MORN1: variants seen among roughly 807,000 people sequenced by gnomAD.
The protein encoded by MORN1 is MORN repeat containing 1, also known as MORN repeat-containing protein 1.
Under a neutral mutation model 61.9 loss-of-function variants are expected in MORN1, and 67 were observed. The ratio of observed to expected loss-of-function variants is 1.08; its 90% CI spans 0.89 to 1.33. The LOEUF (loss-of-function observed/expected upper bound fraction) is 1.33, where lower values mean the gene tolerates loss of function less well. MORN1 is among the 40% of genes most tolerant of loss of function. The pLI is 0.00. For synonymous variants in MORN1, 301 were observed against 292.0 expected (o/e 1.03, Z -0.31); for missense variants, 752 against 691.2 (o/e 1.09, Z -0.99).
At chr1:2,387,182 C>T (rs927153607) in intron 4 of MORN1, 14 of 571,758 alleles carry the variant, frequency 2.4e-5, no homozygotes, top group South Asian at 1.7e-4. Flanking sequence ...GTCTGTTCCG[C>T]GGTAGCGGAT....
intron 6 of MORN1, 193 bp from the exon 7 acceptor site, chr1:2,374,750 T>A: frequency 1.8e-6 from 1 of 555,464 alleles, no homozygotes; most frequent in Admixed American, 3.2e-5. Flanking sequence ...TGCAATCCAA[T>A]TTGCTTTGCA....
At chr1:2,326,044 G>A (rs951949347) in intron 12 of MORN1, among the ~76,000 whole-genome samples, 5 of 152,122 alleles carry the variant, frequency 3.3e-5, no homozygotes, top group African/African-American at 4.8e-5. Context: ...TCCTCCCGCC[G>A]TCCTGCCCGC....
intron 8 of MORN1, chr1:2,371,445 G>C (rs1305963971): frequency 6.6e-6 from 1 of 152,222 alleles, no homozygotes; most frequent in African/African-American, 2.4e-5. Context: ...TCACTCGTTA[G>C]GGAAATGCGA....
At chr1:2,381,961 A>C (rs1642381680) in intron 6 of MORN1, among the ~76,000 whole-genome samples, 1 of 152,128 alleles carries the variant, frequency 6.6e-6, no homozygotes, top group African/African-American at 2.4e-5. Context: ...CTGTCAGCCC[A>C]GGAGGGAGGG....
At chr1:2,322,976 GC>G (rs1557863820) in intron 13 of MORN1, 1 of 985,332 alleles carries the variant, frequency 1.0e-6, no homozygotes, top group African/African-American at 1.7e-5. Context: ...TACGTACATG[GC>G]TTAGCCCCAA....
intron 8 of MORN1, among the ~76,000 whole-genome samples, chr1:2,360,052 G>A (rs1002171553): frequency 3.3e-5 from 5 of 152,196 alleles, no homozygotes; most frequent in African/African-American, 4.8e-5. Flanking sequence ...TGGGGTGGCC[G>A]TGGAGGGGTC....
chr1:2,376,553 A>G (rs1642242030), intron 6 of MORN1: 1 of 152,210 alleles, frequency 6.6e-6, no homozygotes, highest in African/African-American at 2.4e-5. Flanking sequence ...GAAGCCAGAC[A>G]CACTCGAGTC....
chr1:2,378,646 G>C (rs984038293), intron 6 of MORN1: 11 of 297,058 alleles, frequency 3.7e-5, no homozygotes, highest in African/African-American at 2.4e-4. Context: ...AGGGATGCCC[G>C]GAGGGCCGCG....
intron 10 of MORN1, among the ~76,000 whole-genome samples, chr1:2,356,252 G>C (rs1443848538): frequency 1.3e-5 from 2 of 152,170 alleles, no homozygotes. Context: ...GACATGGCAG[G>C]GATTGAGCTC....
At chr1:2,380,939 G>A (rs905400360) in intron 6 of MORN1, among the ~76,000 whole-genome samples, 32 of 152,190 alleles carry the variant, frequency 2.1e-4, no homozygotes, top group East Asian at 5.8e-4. Flanking sequence ...GACAGCTCTC[G>A]GGATGTGCGG....
rs754469120 is a variant in MORN1, at chr1:2,360,435, G to A, written c.746-1720C>T. 2.6e-5 allele frequency among the ~76,000 whole-genome samples: 4 copies of A among 152,300 alleles called. No individual in the cohort carries two copies. In the South Asian group the frequency reaches 6.2e-4, roughly 24 times the overall value. ...AGATCCTTGAAAGAAGGAAACAAAC[G>A]GCGTGGACTCTATAATTGCCCTGGC... is the stretch of plus-strand genomic sequence containing the variant. On this transcript the variant is annotated intron_variant, in intron 8 of 13. Coordinates refer to ENST00000378531, the MANE Select transcript of MORN1 (RefSeq NM_024848.3).
At position 2,372,360 on chromosome 1, in the gene MORN1, G is replaced by C. The variant is rs1642141376; in HGVS notation, c.745+121C>G. The C allele has an allele frequency of 1.3e-6, 1 of 746,936 alleles. No individual in the cohort carries two copies. 46.3% of individuals were successfully genotyped at this position (746,936 alleles called of 1,614,324 possible). A position where few individuals can be genotyped will look rare whatever the true frequency, so the allele number is the denominator to read the frequency against. On this transcript the variant is annotated intron_variant, in intron 8 of 13. Transcript: ENST00000378531. This position sits in a 1 kb window ranked among gnomAD's most constrained non-coding sequence, Gnocchi z 5.4. ...GACCTCTCTGCCAGGCTCTGGGCAC[G>C]AAGTCACTGCTGTGCCTCAGGAGCC...
intron 10 of MORN1, among the ~76,000 whole-genome samples, chr1:2,348,126 C>T (rs923542276): frequency 3.3e-5 from 5 of 152,228 alleles, no homozygotes; most frequent in African/African-American, 7.2e-5. Flanking sequence ...CAGTCTCCGT[C>T]GGTCTGGAAC....
rs1641281867 is a variant in MORN1 at position 2,336,497 on chromosome 1, T to A, written c.1222A>T (p.Thr408Ser). 1 of 1,612,474 alleles carries A rather than the reference T, an allele frequency of 6.2e-7. No individual in the cohort carries two copies. The highest frequency in any genetic ancestry group is 8.5e-7 in the Non-Finnish European group (1 of 1,179,796). Residue 408 changes from threonine (T) to serine (S), a missense_variant, in exon 12 of 14, where the codon ACG (threonine) becomes TCG (serine). Coordinates refer to ENST00000378531, the MANE Select transcript of MORN1 (RefSeq NM_024848.3). ...GGLHPRGTPPTAQEPPGGSRP... is the reference protein window; with the variant it reads ...GGLHPRGTPPSAQEPPGGSRP... ...CTGCCTCCAGGAGGCTCCTGTGCCGTGGGTGGTGTCCCCCTGGGGTGCAGG... is the reference window on the plus strand; with the variant it reads ...CTGCCTCCAGGAGGCTCCTGTGCCGAGGGTGGTGTCCCCCTGGGGTGCAGG...
chr1:2,383,895 C>T (rs779912223), intron 6 of MORN1, among the ~76,000 whole-genome samples: 1 of 152,222 alleles, frequency 6.6e-6, no homozygotes, highest in Non-Finnish European at 1.5e-5. Context: ...CCCCTTCCCA[C>T]CAGCCAGGAG....
At chr1:2,321,810 A>G (rs932215152) in intron 13 of MORN1, among the ~76,000 whole-genome samples, 5 of 152,100 alleles carry the variant, frequency 3.3e-5, no homozygotes, top group East Asian at 1.9e-4. Context: ...TTTGGGGTAA[A>G]GGAAACCACC....
rs376026122 is a variant in MORN1 at position 2,323,653 on chromosome 1, C to T, written c.1297+444G>A. 1.1e-5 allele frequency: 11 copies of T among 985,310 alleles called. No individual in the cohort carries two copies. In the African/African-American group the frequency reaches 1.9e-4, roughly 17 times the overall value. The allele number at this position is 985,310 out of a possible 1,614,324, so 61.0% of individuals were successfully genotyped here. On this transcript the variant is annotated intron_variant, in intron 13 of 13. Transcript: ENST00000378531. Reference sequence around the variant, plus strand: ...GCTGCACCCCTCCTTGCTGTCCCCACAGCAGCCCCCACGCTGGGAGGAGCC... The same window carrying T: ...GCTGCACCCCTCCTTGCTGTCCCCATAGCAGCCCCCACGCTGGGAGGAGCC...
At chr1:2,324,832 T>A (rs1297389401) in intron 12 of MORN1, among the ~76,000 whole-genome samples, 1 of 152,000 alleles carries the variant, frequency 6.6e-6, no homozygotes. Flanking sequence ...GGCCTGTTCC[T>A]CCTGCCTGGA....
chr1:2,372,728 C>G lies in MORN1; in HGVS notation c.635-137G>C, dbSNP rs961226640. 1 of 624,316 alleles carries G rather than the reference C, an allele frequency of 1.6e-6. No homozygotes were observed. The highest frequency in any genetic ancestry group is 1.9e-5 in the South Asian group (1 of 51,798). 38.7% of individuals were successfully genotyped at this position (624,316 alleles called of 1,614,324 possible). On this transcript the variant is annotated intron_variant, in intron 7 of 13. Transcript: ENST00000378531. This position sits in a 1 kb window ranked among gnomAD's most constrained non-coding sequence, Gnocchi z 5.4. Reference sequence around the variant, plus strand: ...CTGGAACACAAGCACATGCGGGGGCCGACCCTCCGCAAACCACCTTGCAGA... The same window carrying G: ...CTGGAACACAAGCACATGCGGGGGCGGACCCTCCGCAAACCACCTTGCAGA...
Sources: gnomAD v4.1 joint callset for allele counts (sites outside exome capture counted in the v4.1 genomes callset) on GRCh38, gnomAD v4.1.1 for gene constraint, Gnocchi (gnomAD v3.1) non-coding constraint, MANE v1.5 for transcripts, NCBI Gene and HGNC (gene_info 2026-07-23, HGNC 2026-07-21) for gene names.